LARS1: variants seen among roughly 807,000 people sequenced by gnomAD.
LARS1 encodes the protein leucyl-tRNA synthetase 1.
A neutral mutation model predicts 162.8 loss-of-function variants in LARS1; 100 were observed. The ratio of observed to expected loss-of-function variants is 0.61; its 90% CI spans 0.52 to 0.73. The LOEUF (loss-of-function observed/expected upper bound fraction) is 0.73, where lower values mean the gene tolerates loss of function less well. Ranked by LOEUF, LARS1 falls within the 30% of genes least tolerant of loss-of-function variation. The probability of loss-of-function intolerance (pLI) is 0.00; values close to 1 mark genes in which losing one functional copy is unlikely to be tolerated. For missense variants in LARS1, 1,258 were observed against 1,408.9 expected (o/e 0.89, Z 1.71); for synonymous variants, 457 against 462.8 (o/e 0.99, Z 0.16).
chr5:146,126,400 C>T, intron 28 of LARS1, 35 bp downstream of exon 28: 3 of 1,296,328 alleles, frequency 2.3e-6, no homozygotes, highest in Non-Finnish European at 3.4e-6. Flanking sequence ...AACCATTGCT[C>T]ATGTGGTCAC....
chr5:146,135,804 C>G (rs1210978925), intron 21 of LARS1, 140 bp from the exon 22 acceptor site: 1 of 592,392 alleles, frequency 1.7e-6, no homozygotes, highest in East Asian at 3.2e-5. Flanking sequence ...AGATATTACA[C>G]TAATTTTAGA....
intron 29 of LARS1, 147 bp from the exon 30 acceptor site, chr5:146,122,734 A>G: frequency 2.3e-6 from 1 of 441,894 alleles, no homozygotes; most frequent in Non-Finnish European, 4.0e-6. Context: ...TATAAATATT[A>G]AATGAAATCT....
intron 29 of LARS1, 77 bp downstream of exon 29, chr5:146,123,904 AG>A: frequency 1.5e-6 from 1 of 662,302 alleles, no homozygotes; most frequent in Non-Finnish European, 2.5e-6. Context: ...ATTTATAAAA[AG>A]GTTTATTATA....
chr5:146,130,788 C>G, intron 24 of LARS1: 1 of 366,810 alleles, frequency 2.7e-6, no homozygotes, highest in East Asian at 4.3e-5. Flanking sequence ...TATATTAATG[C>G]TCATAGCTTA....
intron 21 of LARS1, 152 bp downstream of exon 21, chr5:146,140,052 C>T (rs1031414256): frequency 4.7e-6 from 3 of 644,494 alleles, no homozygotes; most frequent in East Asian, 3.0e-5. Flanking sequence ...AGTGATCCTC[C>T]CACCTTGGCC....
intron 2 of LARS1, among the ~76,000 whole-genome samples, chr5:146,176,159 A>G (rs1754554158): frequency 6.6e-6 from 1 of 152,008 alleles, no homozygotes; most frequent in African/African-American, 2.4e-5. Flanking sequence ...CTAAAAAAAG[A>G]AAGAAAGAAA....
intron 14 of LARS1, among the ~76,000 whole-genome samples, chr5:146,151,553 A>T (rs944807623): frequency 6.6e-6 from 1 of 152,246 alleles, no homozygotes; most frequent in African/African-American, 2.4e-5. Flanking sequence ...GGGACCAGGT[A>T]TTCTCCATTC....
In LARS1 at chr5:146,143,895, G is replaced by T. The variant is rs60011976; in HGVS notation, c.1739-345C>A. ...TGGGTGCCTGCAATCCCAGCTACTC[G>T]GGAGGTTGAGGCAGGAGAATCGCTT... On this transcript the variant is annotated intron_variant, in intron 18 of 31. Coordinates refer to ENST00000394434, the MANE Select transcript of LARS1 (RefSeq NM_020117.11). 4.1e-4 allele frequency among the ~76,000 whole-genome samples: 62 copies of T among 152,160 alleles called. 1 individual carries two copies. Among genetic ancestry groups the T allele is most frequent in the African/African-American group, 1.5e-3 (61 of 41,514 alleles).
chr5:146,119,054 C>T (rs1293935134), intron 31 of LARS1, among the ~76,000 whole-genome samples: 4 of 152,152 alleles, frequency 2.6e-5, no homozygotes, highest in African/African-American at 9.7e-5. Flanking sequence ...AGTATTTTCT[C>T]CATAAATTAG....
intron 18 of LARS1, among the ~76,000 whole-genome samples, chr5:146,143,895 G>A (rs60011976): frequency 5.9e-5 from 9 of 152,042 alleles, no homozygotes; most frequent in African/African-American, 1.4e-4. Context: ...CCAGCTACTC[G>A]GGAGGTTGAG....
In LARS1 at chr5:146,153,296, T is replaced by C. The variant is rs17500483; in HGVS notation, c.1231-69A>G. The C allele has an allele frequency of 0.34, 376,600 of 1,098,786 alleles. 67,694 individuals are homozygous for C. The highest frequency in any genetic ancestry group is 0.47 in the Admixed American group (25,566 of 54,664). The allele number at this position is 1,098,786 out of a possible 1,614,324, so 68.1% of individuals were successfully genotyped here. On this transcript the variant is annotated intron_variant, in intron 12 of 31. Transcript: ENST00000394434. Reference sequence around the variant, plus strand: ...CTGGGAGAATCATTGAGAGAAGCAATCTCCAAAGTTTCTTAAAAGTTTCTT... The same window carrying C: ...CTGGGAGAATCATTGAGAGAAGCAACCTCCAAAGTTTCTTAAAAGTTTCTT...
intron 10 of LARS1, among the ~76,000 whole-genome samples, chr5:146,155,421 A>C (rs1002984394): frequency 6.6e-6 from 1 of 152,254 alleles, no homozygotes; most frequent in Non-Finnish European, 1.5e-5. Flanking sequence ...AAAATATGTT[A>C]CAAGAACAAG....
chr5:146,136,434 G>A (rs981953673), intron 21 of LARS1, among the ~76,000 whole-genome samples: 7 of 151,342 alleles, frequency 4.6e-5, no homozygotes, highest in African/African-American at 7.3e-5. Context: ...TATTAAAATC[G>A]CCTGTGCTTC....
chr5:146,173,553 T>A (rs985235095), intron 2 of LARS1, among the ~76,000 whole-genome samples: 2 of 151,812 alleles, frequency 1.3e-5, no homozygotes, highest in African/African-American at 4.8e-5. Context: ...TTTTTTTTTT[T>A]TAATTTTTTA....
intron 15 of LARS1, among the ~76,000 whole-genome samples, chr5:146,146,707 C>T (rs1175892310): frequency 1.3e-5 from 2 of 149,064 alleles, no homozygotes; most frequent in Non-Finnish European, 3.0e-5. Flanking sequence ...TTCCAAAATG[C>T]TCAGTTGCTT....
chr5:146,177,674 C>A lies in LARS1; in HGVS notation c.7-9G>T. 1 of 1,435,364 alleles carries A rather than the reference C, an allele frequency of 7.0e-7. No individual in the cohort carries two copies. Among genetic ancestry groups the A allele is most frequent in the Non-Finnish European group, 9.7e-7 (1 of 1,026,980 alleles). 88.9% of individuals were successfully genotyped at this position (1,435,364 alleles called of 1,614,324 possible). ...GCTGTTCCTTTTCTTTCCTATTGGA[C>A]ACAAAGAGAATAATCCACTCTGTAT... On this transcript the variant is annotated splice_polypyrimidine_tract_variant and intron_variant, in intron 1 of 31. Coordinates refer to ENST00000394434, the MANE Select transcript of LARS1 (RefSeq NM_020117.11).
intron 31 of LARS1, among the ~76,000 whole-genome samples, chr5:146,117,711 G>A (rs1037561344): frequency 1.3e-5 from 2 of 152,172 alleles, no homozygotes; most frequent in African/African-American, 2.4e-5. Context: ...TGGCCTATAA[G>A]TTCTGAGGAT....
At chr5:146,163,940 G>A (rs1183763547) in intron 6 of LARS1, among the ~76,000 whole-genome samples, 1 of 152,162 alleles carries the variant, frequency 6.6e-6, no homozygotes, top group Admixed American at 6.6e-5. Flanking sequence ...AAACCAAGGA[G>A]AGAAAGAGGG....
chr5:146,122,469 T>C, intron 30 of LARS1, 23 bp downstream of exon 30: 1 of 1,279,100 alleles, frequency 7.8e-7, no homozygotes, highest in South Asian at 1.2e-5. Flanking sequence ...ATGCAATGAT[T>C]CAGTGAGATT....
Sources: gnomAD v4.1 joint callset for allele counts (sites outside exome capture counted in the v4.1 genomes callset) on GRCh38, gnomAD v4.1.1 for gene constraint, MANE v1.5 for transcripts, NCBI Gene and HGNC (gene_info 2026-07-23, HGNC 2026-07-21) for gene names.